The following ANO7 variants were observed in gnomAD, a reference collection of about 807,000 sequenced individuals.
ANO7 encodes anoctamin 7.
Under a neutral mutation model 115.8 loss-of-function variants are expected in ANO7, and 114 were observed. The ratio of observed to expected loss-of-function variants is 0.98; its 90% CI spans 0.85 to 1.15. ANO7 has a LOEUF of 1.15. ANO7 is among the 50% of genes most tolerant of loss of function. The pLI is 0.00. For missense variants in ANO7, 1,302 were observed against 1,201.2 expected (o/e 1.08, Z -1.24); for synonymous variants, 550 against 498.2 (o/e 1.10, Z -1.38).
At chr2:241,228,007 T>C (rs1468704044), downstream of ANO7, 1 of 152,182 alleles carries the variant, frequency 6.6e-6, no homozygotes, top group Non-Finnish European at 1.5e-5. Flanking sequence ...CCTGAGCAAA[T>C]GGGGACTTGC....
chr2:241,199,956 C>A, intron 5 of ANO7, 133 bp from the exon 6 acceptor site: 1 of 1,068,480 alleles, frequency 9.4e-7, no homozygotes, highest in Non-Finnish European at 1.3e-6. Flanking sequence ...CTCACAGGGT[C>A]TACCACGCTC....
chr2:241,223,909 T>G lies in ANO7; in HGVS notation c.2537T>G (p.Leu846Arg), dbSNP rs1574804218. The G allele has an allele frequency of 4.3e-6, 7 of 1,614,048 alleles. No homozygotes were observed. Among genetic ancestry groups the G allele is most frequent in the Non-Finnish European group, 5.1e-6 (6 of 1,180,006 alleles). ...GCTGCCCTTTTTTGGGGACAGGTTC[T>G]TTTTGGAACGAACGGAACAAAGGAT... ...AKQALAENEV[L>R]FGTNGTKDEQ... The change falls in exon 24 of 25, where the codon CTT (leucine) becomes CGT (arginine). Residue 846 changes from leucine to arginine, a missense_variant. Coordinates refer to ENST00000674324, the MANE Select transcript of ANO7 (RefSeq NM_001370694.2).
chr2:241,221,559 G>A (rs1230122859), intron 21 of ANO7, among the ~76,000 whole-genome samples: 1 of 150,774 alleles, frequency 6.6e-6, no homozygotes, highest in Non-Finnish European at 1.5e-5. Context: ...TGTATTTTTA[G>A]TAGAGACAAA....
intron 22 of ANO7, 55 bp from the exon 23 acceptor site, chr2:241,223,607 T>A (rs1302509246): frequency 6.3e-6 from 10 of 1,593,462 alleles, no homozygotes; most frequent in Non-Finnish European, 8.5e-6. Flanking sequence ...TGCCTGGCCC[T>A]GTGAAGGCCA....
chr2:241,210,479 C>T lies in ANO7; in HGVS notation c.1470C>T (p.Ile490=), dbSNP rs372220962. 28 of 1,613,950 alleles carry T rather than the reference C, an allele frequency of 1.7e-5. No individual in the cohort carries two copies. The highest frequency in any genetic ancestry group is 1.3e-4 in the Admixed American group (8 of 60,016). The part of the protein sequence containing the change: ...NTLLAAWASR[I]ASLTGSVVNL... ...CTGTCTCCCGTTAGGCCTCTCGCAT[C>T]GCCAGCCTCACGGGGTCTGTAGTGA... Residue 490 remains isoleucine (I), a synonymous_variant, in exon 15 of 25, where the codon ATC becomes ATT. Transcript: ENST00000674324.
chr2:241,210,581 T>C lies in ANO7; in HGVS notation c.1561+11T>C, dbSNP rs1258645219. 2 of 1,611,892 alleles carry C rather than the reference T, an allele frequency of 1.2e-6. No homozygotes were observed. The highest frequency in any genetic ancestry group is 1.1e-5 in the South Asian group (1 of 91,062). On this transcript the variant is annotated intron_variant, in intron 15 of 24. Coordinates refer to ENST00000674324, the MANE Select transcript of ANO7 (RefSeq NM_001370694.2). Reference sequence around the variant, plus strand: ...TCCTGACACGATGGGGTGAGTGGGCTGAGGCCGGCCAGGCACTGACCAGGG... The same window carrying C: ...TCCTGACACGATGGGGTGAGTGGGCCGAGGCCGGCCAGGCACTGACCAGGG...
At chr2:241,231,024 G>A in the ANO7 span, 3 of 1,214,978 alleles carry the variant, frequency 2.5e-6, no homozygotes, top group Non-Finnish European at 3.6e-6. Context: ...CCCCACTGCT[G>A]AGGAAAACAG....
Position 241,203,370 on chromosome 2 carries a change from C to A in ANO7, c.761C>A (p.Pro254Gln). 1.9e-6 allele frequency: 3 copies of A among 1,595,780 alleles called. No individual in the cohort carries two copies. The highest frequency in any genetic ancestry group is 2.6e-6 in the Non-Finnish European group (3 of 1,172,236). ...FKTPPEGPQA[P>Q]RLNQRQVLFQ... The stretch of plus-strand genomic sequence containing the variant: ...ACGCCCCCAGAGGGCCCGCAGGCTC[C>A]ACGCCTCAACCAGCGCCAAGTCCTT... Residue 254 changes from proline to glutamine, a missense_variant, in exon 9 of 25, where the codon CCA becomes CAA. By Grantham distance (76) the Pro-to-Gln change is moderately conservative. Transcript: ENST00000674324. The surrounding 1 kb of genome is among the most constrained non-coding windows in gnomAD (Gnocchi z 4.8).
At chr2:241,229,342 C>T, downstream of ANO7, 1 of 398,860 alleles carries the variant, frequency 2.5e-6, no homozygotes, top group Non-Finnish European at 4.7e-6. Context: ...GGACCAGGAG[C>T]TGGAGTCTGT....
chr2:241,200,069 C>T lies in ANO7; in HGVS notation c.418-20C>T. 2 of 1,608,938 alleles carry T rather than the reference C, an allele frequency of 1.2e-6. No individual in the cohort carries two copies. The highest frequency in any genetic ancestry group is 8.5e-7 in the Non-Finnish European group (1 of 1,179,774). On this transcript the variant is annotated intron_variant, in intron 5 of 24. Transcript: ENST00000674324. ...GCCCTCCTCCCGGGAGTGGGAGGAG[C>T]CACTGACGTTTCCTTCCAGGAGTTA...
intron 19 of ANO7, 124 bp from the exon 20 acceptor site, chr2:241,217,562 G>C (rs2068861940): frequency 8.9e-7 from 1 of 1,120,834 alleles, no homozygotes; most frequent in African/African-American, 1.6e-5. Flanking sequence ...CAGGAGGTGG[G>C]GGCGGAATGA....
At position 241,224,372 on chromosome 2, in the gene ANO7, G is replaced by A; in HGVS notation, c.*219G>A. The A allele has an allele frequency of 1.7e-6, 1 of 588,122 alleles. No homozygotes were observed. The allele number at this position is 588,122 out of a possible 1,614,324, so 36.4% of individuals were successfully genotyped here. A position where few individuals can be genotyped will look rare whatever the true frequency, so the allele number is the denominator to read the frequency against. ...CAGGGAGGGACCGTCAGCTCACAAG[G>A]CCCTCTTTGTTTCCTGCTCCCAGAC... is the stretch of plus-strand genomic sequence containing the variant. On this transcript the variant is annotated 3_prime_UTR_variant, in exon 25 of 25. Transcript: ENST00000674324.
chr2:241,240,010 A>G, the ANO7 span: 1 of 1,614,196 alleles, frequency 6.2e-7, no homozygotes, highest in African/African-American at 1.3e-5. The surrounding 1 kb of genome is among the most constrained non-coding windows in gnomAD (Gnocchi z 5.5). Flanking sequence ...AGGGAAGATG[A>G]CACGTGCTCC....
intron 17 of ANO7, 101 bp from the exon 18 acceptor site, chr2:241,214,704 G>A (rs934209619): frequency 9.7e-7 from 1 of 1,034,126 alleles, no homozygotes; most frequent in Admixed American, 2.0e-5. Flanking sequence ...TGTCAGGAGG[G>A]AGGTGGGGGC....
At position 241,203,381 on chromosome 2, in the gene ANO7, C is replaced by G. The variant is rs1483126379; in HGVS notation, c.772C>G (p.Gln258Glu). Residue 258 changes from glutamine (Q) to glutamate (E), a missense_variant, in exon 9 of 25, where the codon CAG becomes GAG. Transcript: ENST00000674324. This position sits in a 1 kb window ranked among gnomAD's most constrained non-coding sequence, Gnocchi z 4.8. ...PEGPQAPRLN[Q>E]RQVLFQHWAR... ...GGGCCCGCAGGCTCCACGCCTCAACCAGCGCCAAGTCCTTTTCCAGCACTG... is the reference window on the plus strand; with the variant it reads ...GGGCCCGCAGGCTCCACGCCTCAACGAGCGCCAAGTCCTTTTCCAGCACTG... 6.2e-7 allele frequency: 1 copy of G among 1,600,816 alleles called. No individual in the cohort carries two copies. The highest frequency in any genetic ancestry group is 2.3e-5 in the East Asian group (1 of 43,770).
At chr2:241,209,754 C>A in intron 13 of ANO7, 119 bp downstream of exon 13, 1 of 1,374,296 alleles carries the variant, frequency 7.3e-7, no homozygotes, top group Non-Finnish European at 9.6e-7. Flanking sequence ...ACAGAACCCT[C>A]ACTCCCCGCA....
intron 11 of ANO7, among the ~76,000 whole-genome samples, 153 bp from the exon 12 acceptor site, chr2:241,209,130 CAG>C (rs2068659574): frequency 6.6e-6 from 1 of 152,186 alleles, no homozygotes; most frequent in Non-Finnish European, 1.5e-5. Flanking sequence ...GCCTGGGTGA[CAG>C]AGCCAGACTC....
Position 241,190,042 on chromosome 2 carries a change from C to G in ANO7, c.-7-15C>G. On this transcript the variant is annotated splice_polypyrimidine_tract_variant and intron_variant, in intron 1 of 24. Transcript: ENST00000674324. ...CTCTCTGACCCCCATCCCCACCCGG[C>G]CTTGCTGGGTGCAGGAGCAGGATGC... 1.3e-6 allele frequency: 2 copies of G among 1,557,278 alleles called. No individual in the cohort carries two copies. Among genetic ancestry groups the G allele is most frequent in the East Asian group, 4.8e-5 (2 of 41,816 alleles).
intron 6 of ANO7, 80 bp from the exon 7 acceptor site, chr2:241,201,218 G>T: frequency 2.0e-6 from 3 of 1,530,220 alleles, no homozygotes; most frequent in South Asian, 1.2e-5. Flanking sequence ...TCACATGCCC[G>T]CAGCTTCCTC....
Sources: allele counts gnomAD v4.1 joint callset (sites outside exome capture counted in the v4.1 genomes callset), GRCh38; gene constraint gnomAD v4.1.1; non-coding constraint Gnocchi (gnomAD v3.1); transcripts MANE v1.5; gene names NCBI Gene and HGNC (gene_info 2026-07-23, HGNC 2026-07-21).